Variants in ULK4 observed in about 807,000 individuals in gnomAD.
ULK4 encodes the protein inactive serine/threonine-protein kinase ULK4.
Under a neutral mutation model 160.6 loss-of-function variants are expected in ULK4, and 133 were observed. The ratio of observed to expected loss-of-function variants is 0.83; its 90% CI spans 0.72 to 0.96. The LOEUF (loss-of-function observed/expected upper bound fraction) is 0.96, where lower values mean the gene tolerates loss of function less well. Among genes scored for constraint, ULK4 ranks in the 40% least tolerant of loss-of-function variants. ULK4 has a pLI of 0.00. For synonymous variants in ULK4, 534 were observed against 539.8 expected, an observed-to-expected ratio of 0.99 and a Z score of 0.15; for missense variants, 1,580 against 1,499.5, an observed-to-expected ratio of 1.05 and a Z score of -0.89.
intron 17 of ULK4, chr3:41,854,115 T>C (rs2042279512): frequency 1.3e-5 from 2 of 152,200 alleles, no homozygotes; most frequent in South Asian, 4.1e-4. Context: ...CCTTTCCTCT[T>C]CAAATTTAGG....
chr3:41,710,518 A>C (rs1036669667), intron 25 of ULK4, among the ~76,000 whole-genome samples: 6 of 152,002 alleles, frequency 3.9e-5, no homozygotes, highest in Non-Finnish European at 1.5e-5. Context: ...AGAGAACCGG[A>C]CGTGGTGGCT....
intron 22 of ULK4, among the ~76,000 whole-genome samples, chr3:41,734,724 T>A (rs182258667): frequency 1.3e-5 from 2 of 152,334 alleles, no homozygotes; most frequent in Admixed American, 1.3e-4. Context: ...AATTCCCAAG[T>A]TGCACTGAAG....
At chr3:41,337,159 A>G (rs1289759935) in intron 35 of ULK4, among the ~76,000 whole-genome samples, 1 of 152,212 alleles carries the variant, frequency 6.6e-6, no homozygotes, top group African/African-American at 2.4e-5. Context: ...TTAAGGTCCT[A>G]TATTCCTCAA....
At chr3:41,824,743 G>A (rs145078793) in intron 18 of ULK4, among the ~76,000 whole-genome samples, 18,783 of 152,136 alleles carry the variant, frequency 0.12, 1,324 homozygotes, top group Middle Eastern at 0.27. Flanking sequence ...CTGGGGGCAG[G>A]GCATAGCCAA....
chr3:41,933,201 T>C, intron 4 of ULK4, among the ~76,000 whole-genome samples: 1 of 152,204 alleles, frequency 6.6e-6, no homozygotes, highest in East Asian at 1.9e-4. Flanking sequence ...TACCAGTCAC[T>C]ACCCCCAGAG....
intron 35 of ULK4, among the ~76,000 whole-genome samples, chr3:41,365,470 T>C (rs1000717955): frequency 1.3e-5 from 2 of 152,198 alleles, no homozygotes; most frequent in Admixed American, 1.3e-4. Flanking sequence ...AGAAAATTAA[T>C]ATAACATAGG....
intron 25 of ULK4, among the ~76,000 whole-genome samples, chr3:41,708,092 A>G (rs1380823778): frequency 6.6e-6 from 1 of 152,142 alleles, no homozygotes. Flanking sequence ...GCCATTATGA[A>G]AAATACTATG....
At chr3:41,573,486 T>C (rs542198154) in intron 31 of ULK4, among the ~76,000 whole-genome samples, 5 of 152,336 alleles carry the variant, frequency 3.3e-5, no homozygotes, top group South Asian at 4.1e-4. Flanking sequence ...AAAATACCTT[T>C]AACAACTAAA....
At chr3:41,737,188 G>A (rs540066755) in intron 22 of ULK4, among the ~76,000 whole-genome samples, 12 of 151,974 alleles carry the variant, frequency 7.9e-5, no homozygotes, top group South Asian at 6.2e-4. Context: ...AAATCAATGT[G>A]CAAAAATCAC....
At chr3:41,272,614 G>T (rs541440355) in intron 35 of ULK4, among the ~76,000 whole-genome samples, 1 of 151,216 alleles carries the variant, frequency 6.6e-6, no homozygotes, top group East Asian at 1.9e-4. Flanking sequence ...AGTGCTTGAG[G>T]TTCATTGAGT....
Position 41,715,639 on chromosome 3 carries a change from T to A in ULK4, c.2456-71A>T. 3 of 1,593,916 alleles carry A rather than the reference T, an allele frequency of 1.9e-6. No homozygotes were observed. In the South Asian group the frequency reaches 3.4e-5, roughly 18 times the overall value. On this transcript the variant is annotated intron_variant, in intron 23 of 36. Transcript: ENST00000301831. ...ATACTTAGGAGCCACTGGTCATTGC[T>A]TGAATACCCATGGGACTTCTAAGGT...
In ULK4 at chr3:41,387,943, C is replaced by T. The variant is rs967203263; in HGVS notation, c.3678+10136G>A. Among the ~76,000 whole-genome samples the T allele has an allele frequency of 9.9e-4, 150 of 152,264 alleles. 1 individual carries two copies. Among genetic ancestry groups the T allele is most frequent in the South Asian group, 5.0e-3 (24 of 4,814 alleles). On this transcript the variant is annotated intron_variant, in intron 35 of 36. Coordinates refer to ENST00000301831, the MANE Select transcript of ULK4 (RefSeq NM_017886.4). ...TTCTAGTTCTAGATCCCTGAGGAAT[C>T]GCCACACTGACTTCCACAATGGTTG...
intron 35 of ULK4, among the ~76,000 whole-genome samples, chr3:41,253,206 A>C (rs1444325183): frequency 1.3e-5 from 2 of 152,142 alleles, no homozygotes; most frequent in African/African-American, 4.8e-5. Context: ...GAAACTTGGA[A>C]CATCAGGAAT....
chr3:41,256,968 C>T (rs1323524687), intron 35 of ULK4, among the ~76,000 whole-genome samples: 9 of 152,200 alleles, frequency 5.9e-5, no homozygotes, highest in Non-Finnish European at 1.3e-4. Flanking sequence ...AATCTTCTTG[C>T]TTGGCCTCTT....
At position 41,961,550 on chromosome 3, in the gene ULK4, A is replaced by ACCCCTCCCCCCC. The variant is rs57463009; in HGVS notation, c.-49+465_-49+466insGGGGGGGAGGGG. Among the ~76,000 whole-genome samples, 106 of 124,616 alleles carry ACCCCTCCCCCCC rather than the reference A, an allele frequency of 8.5e-4. 9 individuals carry two copies. The highest frequency in any genetic ancestry group is 1.1e-3 in the Non-Finnish European group (71 of 63,690). 81.8% of individuals were successfully genotyped at this position (124,616 alleles called of 152,430 possible). A position where few individuals can be genotyped will look rare whatever the true frequency, so the allele number is the denominator to read the frequency against. On this transcript the variant is annotated intron_variant, in intron 1 of 36. Coordinates refer to ENST00000301831, the MANE Select transcript of ULK4 (RefSeq NM_017886.4). ...ACTCAGGGGCGCTACGTAGTCACTC[A>ACCCCTCCCCCCC]CCCCCCCCCCCCCCCCCCCCGCTCC...
intron 17 of ULK4, among the ~76,000 whole-genome samples, chr3:41,879,340 C>G (rs1374290460): frequency 6.6e-6 from 1 of 151,836 alleles, no homozygotes; most frequent in Non-Finnish European, 1.5e-5. Flanking sequence ...TTAAAATACT[C>G]CAGCAAGAAA....
At chr3:41,505,422 T>C (rs1460618425) in intron 32 of ULK4, among the ~76,000 whole-genome samples, 1 of 152,158 alleles carries the variant, frequency 6.6e-6, no homozygotes, top group African/African-American at 2.4e-5. Context: ...ATTCATTCAT[T>C]CTATTATAAA....
intron 25 of ULK4, among the ~76,000 whole-genome samples, chr3:41,709,841 C>T (rs6781529): frequency 0.32 from 49,232 of 151,840 alleles, 11,879 homozygotes; most frequent in African/African-American, 0.69. Flanking sequence ...GACTTAAACA[C>T]ATGTACGTAA....
intron 35 of ULK4, among the ~76,000 whole-genome samples, chr3:41,375,637 G>T (rs760259602): frequency 6.7e-6 from 1 of 150,170 alleles, no homozygotes; most frequent in Admixed American, 6.6e-5. Flanking sequence ...ATTCAAGATG[G>T]ATTAAATATT....
Sources: gnomAD v4.1 joint callset for allele counts (sites outside exome capture counted in the v4.1 genomes callset) on GRCh38, gnomAD v4.1.1 for gene constraint, MANE v1.5 for transcripts, NCBI Gene and HGNC (gene_info 2026-07-23, HGNC 2026-07-21) for gene names.